The following ACACA variants were observed in gnomAD, a reference collection of about 807,000 sequenced individuals.
ACACA encodes the protein acetyl-CoA carboxylase 1.
In ACACA, 103 loss-of-function variants were observed where a neutral mutation model predicts 296.1. That is an observed-to-expected ratio of 0.35 (90% CI 0.30 to 0.41). ACACA has a LOEUF of 0.41. Ranked by LOEUF, ACACA falls within the 10% of genes least tolerant of loss-of-function variation. The pLI is 1.00. For synonymous variants in ACACA, 953 were observed against 1,038.6 expected (o/e 0.92, Z 1.58); for missense variants, 1,554 against 2,989.7 (o/e 0.52, Z 11.20).
At chr17:37,156,915 G>A (rs1463508332) in intron 42 of ACACA, among the ~76,000 whole-genome samples, 1 of 152,194 alleles carries the variant, frequency 6.6e-6, no homozygotes, top group Non-Finnish European at 1.5e-5. Context: ...TGACAGCACT[G>A]AGTGTCATTA....
intron 1 of ACACA, among the ~76,000 whole-genome samples, chr17:37,402,269 G>A (rs1289095444): frequency 6.6e-6 from 1 of 152,092 alleles, no homozygotes; most frequent in Non-Finnish European, 1.5e-5. Context: ...CTCAGCCATT[G>A]GGGGGTCAGG....
chr17:37,138,389 C>T, intron 45 of ACACA, among the ~76,000 whole-genome samples: 1 of 152,238 alleles, frequency 6.6e-6, no homozygotes, highest in Non-Finnish European at 1.5e-5. Context: ...CTAGAAAAGA[C>T]TGGAGTCCTT....
At chr17:37,316,265 TC>T (rs1004750654) in intron 3 of ACACA, among the ~76,000 whole-genome samples, 27 of 151,022 alleles carry the variant, frequency 1.8e-4, no homozygotes, top group African/African-American at 6.4e-4. Flanking sequence ...CACTGATACT[TC>T]TGCACATTGT....
intron 1 of ACACA, among the ~76,000 whole-genome samples, chr17:37,361,579 A>G (rs2049407774): frequency 6.6e-6 from 1 of 152,232 alleles, no homozygotes; most frequent in Non-Finnish European, 1.5e-5. Flanking sequence ...AAGGTCACTT[A>G]CAGAGGATCT....
rs1714987 is a variant in ACACA, at chr17:37,386,072, C to G, written c.38+20190G>C. The G allele has an allele frequency of 0.21, 336,076 of 1,594,294 alleles. 40,578 individuals are homozygous for G. Among genetic ancestry groups the G allele is most frequent in the East Asian group, 0.55 (24,523 of 44,470 alleles). On this transcript the variant is annotated intron_variant, in intron 1 of 55. Coordinates refer to ENST00000616317, the MANE Select transcript of ACACA (RefSeq NM_198834.3). ...GCTTCATCAGAGACTTTTCCCACCA[C>G]TGCCCCTTCTATAACTCCTGGGAAT...
chr17:37,202,977 T>A (rs1359884900), intron 33 of ACACA, among the ~76,000 whole-genome samples: 12 of 151,008 alleles, frequency 7.9e-5, no homozygotes, highest in Non-Finnish European at 1.5e-4. Flanking sequence ...TTTTTTTTTT[T>A]AATTGAGATG....
chr17:37,120,785 T>C (rs1416908423), intron 50 of ACACA, among the ~76,000 whole-genome samples: 1 of 152,178 alleles, frequency 6.6e-6, no homozygotes, highest in Admixed American at 6.5e-5. Context: ...CCGTAAATGG[T>C]GATACTGGCT....
Position 37,086,933 on chromosome 17 carries a change from G to A in ACACA, c.*383C>T. ...CCAGGAGTGAGGGGGGCTGCTCACT[G>A]CTGGGCAACTCCTCACGCTTCCCCA... On this transcript the variant is annotated 3_prime_UTR_variant, in exon 56 of 56. Coordinates refer to ENST00000616317, the MANE Select transcript of ACACA (RefSeq NM_198834.3). The A allele has an allele frequency of 3.0e-6, 1 of 338,692 alleles. No homozygotes were observed. Among genetic ancestry groups the A allele is most frequent in the Non-Finnish European group, 5.7e-6 (1 of 173,986 alleles). 21.0% of individuals were successfully genotyped at this position (338,692 alleles called of 1,614,324 possible).
In ACACA at chr17:37,210,825, T is replaced by C. The variant is rs1401849557; in HGVS notation, c.3684-335A>G. ...GGCTGATGAAAATTAATTTAAGCTA[T>C]ATGATATGGTATATTAACTCAAGCT... On this transcript the variant is annotated intron_variant, in intron 29 of 55. Transcript: ENST00000616317. 3.3e-5 allele frequency among the ~76,000 whole-genome samples: 5 copies of C among 150,300 alleles called. 1 individual carries two copies. Among genetic ancestry groups the C allele is most frequent in the Middle Eastern group, 7.0e-3 (2 of 286 alleles).
intron 54 of ACACA, among the ~76,000 whole-genome samples, chr17:37,092,273 CAAAAAAA>C (rs34799022): frequency 4.8e-5 from 5 of 104,828 alleles, no homozygotes; most frequent in Non-Finnish European, 1.1e-4. Context: ...TAGAGTGAGA[CAAAAAAA>C]AAAAAAAAGA....
At chr17:37,148,846 G>C (rs1339559346) in intron 45 of ACACA, among the ~76,000 whole-genome samples, 1 of 152,030 alleles carries the variant, frequency 6.6e-6, no homozygotes, top group Non-Finnish European at 1.5e-5. Context: ...GGGAATCTAG[G>C]CATGCCCAGT....
chr17:37,101,289 A>G (rs914071789), intron 52 of ACACA, among the ~76,000 whole-genome samples: 2 of 152,332 alleles, frequency 1.3e-5, no homozygotes, highest in Admixed American at 6.5e-5. Context: ...GTGAAATTGG[A>G]AAGTTTTAAA....
intron 3 of ACACA, among the ~76,000 whole-genome samples, chr17:37,311,186 G>C (rs1318548528): frequency 6.6e-6 from 1 of 152,148 alleles, no homozygotes; most frequent in East Asian, 1.9e-4. Flanking sequence ...GAGGAAGTAG[G>C]GATAGCACTT....
At chr17:37,184,812 G>A (rs993562930) in intron 39 of ACACA, among the ~76,000 whole-genome samples, 28 of 147,062 alleles carry the variant, frequency 1.9e-4, no homozygotes, top group African/African-American at 6.4e-4. Context: ...TTACAATATT[G>A]CACTCTAGCT....
At chr17:37,158,652 A>C (rs2076346966) in intron 42 of ACACA, among the ~76,000 whole-genome samples, 1 of 152,042 alleles carries the variant, frequency 6.6e-6, no homozygotes, top group Non-Finnish European at 1.5e-5. Context: ...CAAAACAAAA[A>C]AACAGGATGA....
intron 41 of ACACA, among the ~76,000 whole-genome samples, chr17:37,177,877 T>C (rs1023297987): frequency 6.6e-6 from 1 of 152,222 alleles, no homozygotes; most frequent in Admixed American, 6.5e-5. Context: ...GGTCCAATGC[T>C]TGCATCCATC....
chr17:37,286,609 G>A (rs1464255), intron 3 of ACACA, among the ~76,000 whole-genome samples: 49,074 of 152,048 alleles, frequency 0.32, 9,640 homozygotes, highest in African/African-American at 0.54. Context: ...CTGTAACAGA[G>A]ACTTAATTCC....
intron 33 of ACACA, among the ~76,000 whole-genome samples, chr17:37,201,814 T>A (rs987271599): frequency 2.6e-5 from 4 of 152,220 alleles, no homozygotes; most frequent in African/African-American, 9.6e-5. Context: ...ATATATTTTT[T>A]AAAATTTAAA....
chr17:37,350,384 G>A (rs1192976967), intron 1 of ACACA, among the ~76,000 whole-genome samples: 3 of 151,548 alleles, frequency 2.0e-5, no homozygotes, highest in African/African-American at 4.8e-5. Flanking sequence ...GCTGGGTGTG[G>A]TGGCACATGC....
Sources: allele counts gnomAD v4.1 joint callset (sites outside exome capture counted in the v4.1 genomes callset), GRCh38; gene constraint gnomAD v4.1.1; transcripts MANE v1.5; gene names NCBI Gene and HGNC (gene_info 2026-07-23, HGNC 2026-07-21).